LPIN1: variants seen among roughly 807,000 people sequenced by gnomAD.
LPIN1 encodes the protein lipin 1, also known as phosphatidate phosphatase LPIN1.
LPIN1 carries 71 observed loss-of-function variants against 107.5 expected under a neutral mutation model. That is an observed-to-expected ratio of 0.66 (90% CI 0.55 to 0.80). The LOEUF (loss-of-function observed/expected upper bound fraction) is 0.80. Among genes scored for constraint, LPIN1 ranks in the 30% least tolerant of loss-of-function variants. LPIN1 has a pLI of 0.00. For synonymous variants in LPIN1, 445 were observed against 452.6 expected (o/e 0.98, Z 0.21); for missense variants, 1,043 against 1,160.6 (o/e 0.90, Z 1.47).
At chr2:11,712,065 A>T (rs1446799074) in intron 1 of LPIN1, among the ~76,000 whole-genome samples, 2 of 152,236 alleles carry the variant, frequency 1.3e-5, no homozygotes, top group Admixed American at 1.3e-4. Flanking sequence ...ACAAGGCCAG[A>T]GGTCCTCCTG....
In LPIN1 at chr2:11,691,098, T is replaced by C. The variant is rs945398477; in HGVS notation, c.81+13370T>C. ...ATCTTGTTGTGGTTTTTTTTTTTTT[T>C]TCTCTCTCCTTTAATACCCCTCACA... On this transcript the variant is annotated intron_variant, in intron 1 of 21. Coordinates refer to the LPIN1 transcript ENST00000449576. Among the ~76,000 whole-genome samples, 30 of 151,600 alleles carry C rather than the reference T, an allele frequency of 2.0e-4. No individual in the cohort carries two copies. The East Asian group carries it at 2.3e-3, about 12-fold the overall frequency.
intron 17 of LPIN1, among the ~76,000 whole-genome samples, chr2:11,812,419 T>C (rs1239697904): frequency 6.9e-6 from 1 of 145,882 alleles, no homozygotes; most frequent in African/African-American, 2.6e-5. Context: ...GGGTGAGGAG[T>C]GAGGGGGTGT....
At chr2:11,710,727 G>T (rs368202741) in intron 1 of LPIN1, among the ~76,000 whole-genome samples, 6 of 151,960 alleles carry the variant, frequency 3.9e-5, no homozygotes, top group South Asian at 2.1e-4. Flanking sequence ...CTTGCCAAAG[G>T]CCACACAGCT....
chr2:11,773,628 C>T lies in LPIN1; in HGVS notation c.605C>T (p.Pro202Leu), dbSNP rs1672218836. The T allele has an allele frequency of 1.9e-6, 3 of 1,609,494 alleles. No homozygotes were observed. The highest frequency in any genetic ancestry group is 1.7e-6 in the Non-Finnish European group (2 of 1,176,298). ...MELLESSRTL[P>L]NDIPPFQDDI... ...TTTTTTTTTTCCTCCAGAACTCTTC[C>T]TAATGATATACCTCCATTCCAAGAT... The change falls in exon 5 of 21, where the codon CCT (proline) becomes CTT (leucine). Residue 202 changes from proline (P) to leucine (L), a missense_variant. By Grantham distance (98) the Pro-to-Leu change is moderately conservative. Transcript: ENST00000674199.
chr2:11,763,985 GTGTATATATA>G (rs1670294243), intron 1 of LPIN1, among the ~76,000 whole-genome samples: 1 of 146,026 alleles, frequency 6.8e-6, no homozygotes, highest in African/African-American at 2.6e-5. Context: ...GTGTGTGTGT[GTGTATATATA>G]TATATATATA....
intron 1 of LPIN1, among the ~76,000 whole-genome samples, chr2:11,695,740 A>T (rs1418035601): frequency 6.6e-6 from 1 of 152,102 alleles, no homozygotes; most frequent in Non-Finnish European, 1.5e-5. Flanking sequence ...TTTGGCTATC[A>T]TCTCTGTCTT....
rs564383358 is a variant in LPIN1, at chr2:11,781,602, T to C, written c.958-599T>C. Among the ~76,000 whole-genome samples, 8 of 152,378 alleles carry C rather than the reference T, an allele frequency of 5.3e-5. No homozygotes were observed. The East Asian group carries it at 1.3e-3, about 26-fold the overall frequency. The stretch of plus-strand genomic sequence containing the variant: ...CCAACTGTCACCAAATCTTTACTTA[T>C]TCACTCATGTTTTGGGAATAAACTT... On this transcript the variant is annotated intron_variant, in intron 7 of 20. Coordinates refer to ENST00000674199, the MANE Select transcript of LPIN1 (RefSeq NM_001349206.2).
intron 1 of LPIN1, among the ~76,000 whole-genome samples, chr2:11,748,395 A>G (rs1467766563): frequency 1.3e-5 from 2 of 152,206 alleles, no homozygotes; most frequent in Non-Finnish European, 2.9e-5. Context: ...CCACTCACAG[A>G]TGTAGAACTT....
chr2:11,808,045 TC>T, intron 17 of LPIN1, among the ~76,000 whole-genome samples: 1 of 152,262 alleles, frequency 6.6e-6, no homozygotes, highest in East Asian at 1.9e-4. Flanking sequence ...TGACATGGCT[TC>T]CCCTCTGATT....
intron 2 of LPIN1, among the ~76,000 whole-genome samples, chr2:11,766,012 G>A (rs563219201): frequency 8.5e-5 from 13 of 152,308 alleles, no homozygotes; most frequent in African/African-American, 3.1e-4. Flanking sequence ...CTGCTCTCTG[G>A]GGCCTCAGCT....
At chr2:11,724,216 C>T (rs1019727843), upstream of LPIN1, 6 of 494,590 alleles carry the variant, frequency 1.2e-5, no homozygotes, top group Non-Finnish European at 1.6e-5. Flanking sequence ...AAACCTGGCT[C>T]ACTCCTCTTC....
rs111641241 is a variant in LPIN1, at chr2:11,803,657, A to G, written c.2013+624A>G. Among the ~76,000 whole-genome samples, 126 of 152,216 alleles carry G rather than the reference A, an allele frequency of 8.3e-4. No individual in the cohort carries two copies. Among genetic ancestry groups the G allele is most frequent in the African/African-American group, 2.9e-3 (120 of 41,536 alleles). ...AAGTGTGAGGGTGTTTACTAGGAAA[A>G]GATAAGGAAGAGGCCCAGACACCCA... On this transcript the variant is annotated intron_variant, in intron 15 of 20. Transcript: ENST00000674199. The surrounding 1 kb of genome is among the most constrained non-coding windows in gnomAD (Gnocchi z 4.2).
intron 7 of LPIN1, among the ~76,000 whole-genome samples, chr2:11,780,919 A>G (rs939572596): frequency 2.0e-5 from 3 of 152,242 alleles, no homozygotes; most frequent in African/African-American, 7.2e-5. Context: ...ACATGTAGGT[A>G]CATAACTGGT....
At chr2:11,784,290 TGAGACTC>T in intron 9 of LPIN1, 1 of 1,012,390 alleles carries the variant, frequency 9.9e-7, no homozygotes, top group Non-Finnish European at 1.2e-6. Flanking sequence ...GGCCACAGAG[TGAGACTC>T]CATCTCAAAA....
intron 17 of LPIN1, among the ~76,000 whole-genome samples, chr2:11,806,543 C>A (rs1678713069): frequency 6.6e-6 from 1 of 151,984 alleles, no homozygotes; most frequent in Non-Finnish European, 1.5e-5. Context: ...CCAGCCTGGG[C>A]AACATAGTGA....
At chr2:11,741,606 A>C (rs1331680994), upstream of LPIN1, among the ~76,000 whole-genome samples, 1 of 151,990 alleles carries the variant, frequency 6.6e-6, no homozygotes, top group Admixed American at 6.6e-5. Context: ...CTCTATAAAA[A>C]AATACACATC....
At chr2:11,747,578 C>T (rs1476846689) in intron 1 of LPIN1, among the ~76,000 whole-genome samples, 1 of 152,156 alleles carries the variant, frequency 6.6e-6, no homozygotes, top group South Asian at 2.1e-4. Flanking sequence ...AGCTTGTAGC[C>T]GTTTTTTTAA....
intron 1 of LPIN1, chr2:11,677,814 C>A: frequency 1.7e-6 from 2 of 1,196,558 alleles, no homozygotes; most frequent in Non-Finnish European, 2.4e-6. Context: ...TGATGGGACC[C>A]GGGGAACATT....
At chr2:11,801,641 G>A (rs1677756706) in intron 14 of LPIN1, among the ~76,000 whole-genome samples, 1 of 151,986 alleles carries the variant, frequency 6.6e-6, no homozygotes, top group Non-Finnish European at 1.5e-5. Flanking sequence ...TTGGTTAATG[G>A]GTACAAACAT....
Sources: gnomAD v4.1 joint callset for allele counts (sites outside exome capture counted in the v4.1 genomes callset) on GRCh38, gnomAD v4.1.1 for gene constraint, Gnocchi (gnomAD v3.1) non-coding constraint, MANE v1.5 for transcripts, NCBI Gene and HGNC (gene_info 2026-07-23, HGNC 2026-07-21) for gene names.